The following AK8 variants were observed in gnomAD, a reference collection of about 807,000 sequenced individuals.
The protein encoded by AK8 is adenylate kinase 8, also known as ATP-AMP transphosphorylase 8.
Under a neutral mutation model 54.6 loss-of-function variants are expected in AK8, and 44 were observed. That is an observed-to-expected ratio of 0.81 (90% CI 0.63 to 1.04). The LOEUF is 1.04. Among genes scored for constraint, AK8 ranks in the 50% least tolerant of loss-of-function variants. The probability of loss-of-function intolerance (pLI) is 0.00; values close to 1 mark genes in which losing one functional copy is unlikely to be tolerated. For missense variants in AK8, 555 were observed against 613.6 expected (o/e 0.90, Z 1.01); for synonymous variants, 239 against 245.6 (o/e 0.97, Z 0.25).
Position 132,878,079 on chromosome 9 carries a change from GC to G in AK8, c.84+92del, listed in dbSNP as rs1844223450. 6.5e-7 allele frequency: 1 copy of G among 1,536,736 alleles called. No homozygotes were observed. The highest frequency in any genetic ancestry group is 8.8e-7 in the Non-Finnish European group (1 of 1,136,606). On this transcript the variant is annotated intron_variant, in intron 1 of 12. Coordinates refer to ENST00000298545, the MANE Select transcript of AK8 (RefSeq NM_152572.3). This position sits in a 1 kb window ranked among gnomAD's most constrained non-coding sequence, Gnocchi z 4.7. ...GGCTGCTTCGTGGGCGCGCGACTCG[GC>G]CCCAGCTGCGGGTCCCGGCCGCGCA... is the stretch of plus-strand genomic sequence containing the variant.
chr9:132,792,655 C>A lies in AK8; in HGVS notation c.1100G>T (p.Arg367Leu), dbSNP rs147022583. Residue 367 changes from arginine (R) to leucine (L), a missense_variant, in exon 11 of 13, where the codon CGC becomes CTC. By Grantham distance (102) the Arg-to-Leu change is moderately radical (BLOSUM62 -2). Coordinates refer to ENST00000298545, the MANE Select transcript of AK8 (RefSeq NM_152572.3). The part of the protein sequence containing the change: ...RDLDQAHLLN[R>L]LGYNPNRVFF... ...TCACCTGTTGGGATTGTAGCCCAGG[C>A]GGTTCAGCAGGTGTGCCTGGTCGAG... The A allele has an allele frequency of 1.9e-6, 3 of 1,554,044 alleles. No individual in the cohort carries two copies. In the South Asian group the frequency reaches 3.6e-5, roughly 18 times the overall value.
rs995572094 is a variant in AK8, at chr9:132,837,489, G to A, written c.403-8763C>T. Reference sequence around the variant, plus strand: ...GGTCAGTACTTCTGGGTCCAGTCCCGTTCCCATCATCTCCGTGCCTCTCAA... The same window carrying A: ...GGTCAGTACTTCTGGGTCCAGTCCCATTCCCATCATCTCCGTGCCTCTCAA... On this transcript the variant is annotated intron_variant, in intron 5 of 12. Transcript: ENST00000298545. The surrounding 1 kb of genome is among the most constrained non-coding windows in gnomAD (Gnocchi z 4.3). Among the ~76,000 whole-genome samples the A allele has an allele frequency of 2.6e-5, 4 of 151,978 alleles. No homozygotes were observed. Among genetic ancestry groups the A allele is most frequent in the South Asian group, 2.1e-4 (1 of 4,820 alleles).
At chr9:132,735,564 A>C (rs1331733391) in intron 11 of AK8, among the ~76,000 whole-genome samples, 2 of 152,058 alleles carry the variant, frequency 1.3e-5, no homozygotes, top group Admixed American at 6.5e-5. Context: ...TAAAAAAAAA[A>C]CCCATAAAGT....
In AK8 at chr9:132,825,214, C is replaced by A. The variant is rs565164660; in HGVS notation, c.757+1640G>T. On this transcript the variant is annotated intron_variant, in intron 8 of 12. Transcript: ENST00000298545. The stretch of plus-strand genomic sequence containing the variant: ...CAGACAGTCTCAACATCTAATTATT[C>A]TTTTTAAAAATGTGTGGTTGCTGGA... Among the ~76,000 whole-genome samples, 10 of 152,228 alleles carry A rather than the reference C, an allele frequency of 6.6e-5. No individual in the cohort carries two copies. In the South Asian group the frequency reaches 1.2e-3, roughly 19 times the overall value.
chr9:132,823,512 T>C (rs1841743428), intron 8 of AK8, among the ~76,000 whole-genome samples, 176 bp from the exon 9 acceptor site: 2 of 152,216 alleles, frequency 1.3e-5, no homozygotes, highest in African/African-American at 2.4e-5. Flanking sequence ...GTGGCAGGCC[T>C]GGGCACCAAG....
At chr9:132,743,805 C>T (rs1203239477) in intron 11 of AK8, among the ~76,000 whole-genome samples, 3 of 152,188 alleles carry the variant, frequency 2.0e-5, no homozygotes, top group African/African-American at 4.8e-5. Context: ...GTACTGTGAT[C>T]GTGCCCATTT....
intron 11 of AK8, among the ~76,000 whole-genome samples, chr9:132,743,708 A>G (rs556636377): frequency 1.3e-5 from 2 of 152,252 alleles, no homozygotes; most frequent in African/African-American, 4.8e-5. Context: ...TGTTTTATTG[A>G]TATTTCCTAC....
At chr9:132,821,107 G>A (rs1245948302) in intron 9 of AK8, among the ~76,000 whole-genome samples, 1 of 151,502 alleles carries the variant, frequency 6.6e-6, no homozygotes, top group African/African-American at 2.4e-5. Context: ...CATGGCTGGT[G>A]TGCTGAACGC....
intron 11 of AK8, among the ~76,000 whole-genome samples, chr9:132,789,524 G>A (rs1459581031): frequency 7.2e-6 from 1 of 138,824 alleles, no homozygotes; most frequent in African/African-American, 2.6e-5. Flanking sequence ...TTGAACTTGG[G>A]AGGCAGAGGT....
At chr9:132,746,824 G>A (rs867117249) in intron 11 of AK8, among the ~76,000 whole-genome samples, 1 of 152,166 alleles carries the variant, frequency 6.6e-6, no homozygotes, top group Non-Finnish European at 1.5e-5. Flanking sequence ...TGAAAGAAGG[G>A]CCAACTGCAC....
intron 11 of AK8, among the ~76,000 whole-genome samples, chr9:132,747,286 G>A (rs571473844): frequency 2.0e-5 from 3 of 151,984 alleles, no homozygotes; most frequent in Non-Finnish European, 2.9e-5. Context: ...GACTACAGGC[G>A]TGTGCCACCA....
chr9:132,818,399 A>G (rs1041101286), intron 9 of AK8, among the ~76,000 whole-genome samples: 7 of 152,212 alleles, frequency 4.6e-5, no homozygotes, highest in African/African-American at 9.6e-5. Flanking sequence ...TTTATAACAT[A>G]CGCAGAAGTA....
rs1159195889 is a variant in AK8, at chr9:132,770,798, G to A, written c.1121+21836C>T. The stretch of plus-strand genomic sequence containing the variant: ...CTCCCCTGGATCCAGGAACCCAGTG[G>A]GCTCTGGAAGCAGCTGCTGAGTGCA... On this transcript the variant is annotated intron_variant, in intron 11 of 12. Coordinates refer to ENST00000298545, the MANE Select transcript of AK8 (RefSeq NM_152572.3). This position sits in a 1 kb window ranked among gnomAD's most constrained non-coding sequence, Gnocchi z 4.3. Among the ~76,000 whole-genome samples, 3 of 152,192 alleles carry A rather than the reference G, an allele frequency of 2.0e-5. No homozygotes were observed. Among genetic ancestry groups the A allele is most frequent in the Non-Finnish European group, 4.4e-5 (3 of 68,034 alleles).
In AK8 at chr9:132,764,443, A is replaced by C. The variant is rs1838632224; in HGVS notation, c.1121+28191T>G. ...AATTAGCTTGATTAACAAGAAAAAAACAGAAAAGACCCAAATAAATCAGCA... is the reference window on the plus strand; with the variant it reads ...AATTAGCTTGATTAACAAGAAAAAACCAGAAAAGACCCAAATAAATCAGCA... On this transcript the variant is annotated intron_variant, in intron 11 of 12. Coordinates refer to ENST00000298545, the MANE Select transcript of AK8 (RefSeq NM_152572.3). Among the ~76,000 whole-genome samples the C allele has an allele frequency of 2.6e-5, 4 of 152,246 alleles. No homozygotes were observed. The South Asian group carries it at 6.2e-4, about 24-fold the overall frequency.
intron 10 of AK8, among the ~76,000 whole-genome samples, chr9:132,813,418 TAGG>T (rs1014803476): frequency 1.3e-5 from 2 of 152,196 alleles, no homozygotes; most frequent in Admixed American, 6.5e-5. Context: ...TAGAAAGTGG[TAGG>T]AGAAGGCCAC....
At chr9:132,783,244 G>C (rs1463334078) in intron 11 of AK8, among the ~76,000 whole-genome samples, 1 of 152,014 alleles carries the variant, frequency 6.6e-6, no homozygotes, top group Non-Finnish European at 1.5e-5. Context: ...GAAGATGGTG[G>C]GAGGGGTTGT....
chr9:132,845,622 A>G (rs2131357510), intron 5 of AK8, among the ~76,000 whole-genome samples: 1 of 152,242 alleles, frequency 6.6e-6, no homozygotes, highest in East Asian at 1.9e-4. Context: ...CTCTACTAAA[A>G]ATATAAAAAT....
chr9:132,859,033 A>C (rs1041797740), intron 4 of AK8, among the ~76,000 whole-genome samples: 3 of 152,024 alleles, frequency 2.0e-5, no homozygotes, highest in Non-Finnish European at 4.4e-5. Context: ...GGAGCTGTTG[A>C]CTCAGGAAAG....
chr9:132,752,865 C>G (rs114176184), intron 11 of AK8, among the ~76,000 whole-genome samples: 1,754 of 152,236 alleles, frequency 0.012, 38 homozygotes, highest in African/African-American at 0.04. Context: ...GCCCCTACTC[C>G]ATCATGCCAT....
Sources: allele counts gnomAD v4.1 joint callset (sites outside exome capture counted in the v4.1 genomes callset), GRCh38; gene constraint gnomAD v4.1.1; non-coding constraint Gnocchi (gnomAD v3.1); transcripts MANE v1.5; gene names NCBI Gene and HGNC (gene_info 2026-07-23, HGNC 2026-07-21).